The following PLP2 variants were observed in gnomAD, a reference collection of about 807,000 sequenced individuals.
PLP2 encodes the protein proteolipid protein 2.
Under a neutral mutation model 11.4 loss-of-function variants are expected in PLP2, and 8 were observed. That is an observed-to-expected ratio of 0.70 (90% CI 0.41 to 1.27). PLP2 has a LOEUF of 1.27. Ranked by LOEUF, PLP2 falls within the 50% of genes most tolerant of loss-of-function variation. The probability of loss-of-function intolerance (pLI) is 0.01; values close to 1 mark genes in which losing one functional copy is unlikely to be tolerated. For synonymous variants in PLP2, 50 were observed against 53.2 expected, an observed-to-expected ratio of 0.94 and a Z score of 0.26; for missense variants, 127 against 123.5, an observed-to-expected ratio of 1.03 and a Z score of -0.14.
At chrX:49,172,621 G>A (rs1192047315) in intron 1 of PLP2, among the ~76,000 whole-genome samples, 1 of 112,757 alleles carries the variant, frequency 8.9e-6, no homozygotes, top group African/African-American at 3.2e-5. Flanking sequence ...CAAAGTGGGC[G>A]CCGCCTTTGA....
chrX:49,173,722 T>A, intron 3 of PLP2: 1 of 578,477 alleles, frequency 1.7e-6, no homozygotes, highest in Non-Finnish European at 2.7e-6. Flanking sequence ...AGGCGGCCCC[T>A]TTGTCAATGC....
At chrX:49,174,028 C>T (rs1436817108) in intron 3 of PLP2, among the ~76,000 whole-genome samples, 3 of 111,136 alleles carry the variant, frequency 2.7e-5, no homozygotes, top group Admixed American at 1.9e-4. Flanking sequence ...CAAGATCATG[C>T]CACTCACTCC....
chrX:49,175,171 G>A lies in PLP2; in HGVS notation c.*477G>A, dbSNP rs1251038424. On this transcript the variant is annotated 3_prime_UTR_variant, in exon 5 of 5. Transcript: ENST00000376327. ...GGGGGAAATGGAGTGGAAACAGCTG[G>A]GGCAAGGAGGCAAAGAAGCCAGGCC... 2.8e-5 allele frequency: 5 copies of A among 179,811 alleles called. No homozygotes were observed. Among genetic ancestry groups the A allele is most frequent in the South Asian group, 2.5e-4 (2 of 7,887 alleles). The allele number at this position is 179,811 out of a possible 1,213,427, so 14.8% of individuals were successfully genotyped here.
rs782320622 is a variant in PLP2, at chrX:49,173,268, A to G, written c.236A>G (p.Asn79Ser). 7 of 1,211,387 alleles carry G rather than the reference A, an allele frequency of 5.8e-6. No individual in the cohort carries two copies. The highest frequency in any genetic ancestry group is 1.7e-5 in the African/African-American group (1 of 57,793). The change falls in exon 2 of 5, where the codon AAC becomes AGC. Residue 79 changes from asparagine to serine, a missense_variant. Physicochemically the swap from Asn to Ser is conservative, Grantham distance 46 (BLOSUM62 1). Coordinates refer to ENST00000376327, the MANE Select transcript of PLP2 (RefSeq NM_002668.3). ...CTGCACACCAAGATACCATTCATCA[A>G]CTGGCCCTGGAGTGTGAGAAGGGGT... ...CDLHTKIPFI[N>S]WPWSDFFRTL...
At position 49,172,015 on chromosome X, in the gene PLP2, G is replaced by A; in HGVS notation, c.15G>A (p.Glu5=). The change falls in exon 1 of 5, where the codon GAG becomes GAA. Residue 5 remains glutamate, a synonymous_variant. Coordinates refer to ENST00000376327, the MANE Select transcript of PLP2 (RefSeq NM_002668.3). ...CAGCCCATGCCATGGCGGATTCTGA[G>A]CGCCTCTCGGCTCCTGGCTGCTGGG... MADS[E]RLSAPGCWAA... 1 of 1,202,326 alleles carries A rather than the reference G, an allele frequency of 8.3e-7. No homozygotes were observed. Among genetic ancestry groups the A allele is most frequent in the Non-Finnish European group, 1.1e-6 (1 of 887,326 alleles).
At chrX:49,173,340 G>A (rs782803220) in intron 2 of PLP2, 48 bp from the exon 3 acceptor site, 1 of 1,206,084 alleles carries the variant, frequency 8.3e-7, no homozygotes, top group Non-Finnish European at 1.1e-6. Flanking sequence ...AGGATTGTCG[G>A]GGAACTGTGG....
rs782525243 is a variant in PLP2, at chrX:49,173,367, TCTC to T, written c.250-16_250-14del. ...GAACTGTGGTTGCTGACTTCCCTCT[TCTC>T]CTCCCTACACCTCACAGGATTTCTT... On this transcript the variant is annotated intron_variant, in intron 2 of 4. Transcript: ENST00000376327. 5.8e-6 allele frequency: 7 copies of T among 1,206,002 alleles called. No homozygotes were observed. In the African/African-American group the frequency reaches 1.1e-4, roughly 18 times the overall value.
At position 49,174,430 on chromosome X, in the gene PLP2, G is replaced by GTC. The variant is rs1491555945; in HGVS notation, c.436+6_436+7insCT. ...GACATACAGCAGCCCCCACTGGTAA[G>GTC]TGTGTGTGTGTGTTGGTTGGGGGTA... On this transcript the variant is annotated splice_donor_region_variant and intron_variant, in intron 4 of 4. Coordinates refer to ENST00000376327, the MANE Select transcript of PLP2 (RefSeq NM_002668.3). The GTC allele has an allele frequency of 4.7e-5, 49 of 1,048,296 alleles. No homozygotes were observed. Among genetic ancestry groups the GTC allele is most frequent in the Non-Finnish European group, 5.7e-5 (45 of 794,793 alleles). 86.4% of individuals were successfully genotyped at this position (1,048,296 alleles called of 1,213,427 possible). A position where few individuals can be genotyped will look rare whatever the true frequency, so the allele number is the denominator to read the frequency against.
Position 49,172,243 on chromosome X carries a change from C to T in PLP2, c.96+147C>T. 6.2e-6 allele frequency: 3 copies of T among 486,819 alleles called. No individual in the cohort carries two copies. In the South Asian group the frequency reaches 8.5e-5, roughly 14 times the overall value. The allele number at this position is 486,819 out of a possible 1,213,427, so 40.1% of individuals were successfully genotyped here. A position where few individuals can be genotyped will look rare whatever the true frequency, so the allele number is the denominator to read the frequency against. On this transcript the variant is annotated intron_variant, in intron 1 of 4. Transcript: ENST00000376327. ...GTGGGTTCACGGTGGAGGCCCGAAA[C>T]CCGGGGCGCAGGGCGAGTCGGTGGG... is the stretch of plus-strand genomic sequence containing the variant.
chrX:49,174,818 C>T lies in PLP2; in HGVS notation c.*124C>T. 1 of 621,417 alleles carries T rather than the reference C, an allele frequency of 1.6e-6. No individual in the cohort carries two copies. The highest frequency in any genetic ancestry group is 2.7e-6 in the Non-Finnish European group (1 of 374,149). 51.2% of individuals were successfully genotyped at this position (621,417 alleles called of 1,213,427 possible). ...CACCCCCTCTTTGAGGTAAAAGTGC[C>T]TTTATTGGGAGACTTTTGTCTTCCA... On this transcript the variant is annotated 3_prime_UTR_variant, in exon 5 of 5. Transcript: ENST00000376327.
In PLP2 at chrX:49,173,240, G is replaced by A; in HGVS notation, c.208G>A (p.Asp70Asn). Reference sequence around the variant, plus strand: ...TATTTTCTTTGTTGTCTACATGTGTGACCTGCACACCAAGATACCATTCAT... The same window carrying A: ...TATTTTCTTTGTTGTCTACATGTGTAACCTGCACACCAAGATACCATTCAT... ...AAIFFVVYMCDLHTKIPFINW... is the reference protein window; with the variant it reads ...AAIFFVVYMCNLHTKIPFINW... The change falls in exon 2 of 5, where the codon GAC becomes AAC. Residue 70 changes from aspartate to asparagine, a missense_variant. Transcript: ENST00000376327. 8.3e-7 allele frequency: 1 copy of A among 1,211,060 alleles called. No individual in the cohort carries two copies. The highest frequency in any genetic ancestry group is 2.2e-5 in the Admixed American group (1 of 45,981).
intron 1 of PLP2, among the ~76,000 whole-genome samples, 167 bp from the exon 2 acceptor site, chrX:49,172,962 G>C (rs1557099385): frequency 8.9e-6 from 1 of 112,453 alleles, no homozygotes; most frequent in Non-Finnish European, 1.9e-5. Flanking sequence ...TTAGATTGTC[G>C]TGATGATTGA....
rs1557099623 is a variant in PLP2, at chrX:49,174,680, G to A, written c.445G>A (p.Asp149Asn). The part of the protein sequence containing the change: ...RHTAAPTDPA[D>N]GPV ...CTTTTCCTCACCTGCAGACCCCGCA[G>A]ATGGCCCGGTGTAGGCGAACTTCCC... is the stretch of plus-strand genomic sequence containing the variant. Residue 149 changes from aspartate to asparagine, a missense_variant, in exon 5 of 5, where the codon GAT becomes AAT. Physicochemically the swap from Asp to Asn is conservative, Grantham distance 23. Coordinates refer to ENST00000376327, the MANE Select transcript of PLP2 (RefSeq NM_002668.3). 2 of 1,207,113 alleles carry A rather than the reference G, an allele frequency of 1.7e-6. No individual in the cohort carries two copies. The highest frequency in any genetic ancestry group is 2.2e-6 in the Non-Finnish European group (2 of 891,468).
At chrX:49,174,228 C>A in intron 3 of PLP2, 107 bp from the exon 4 acceptor site, 1 of 601,111 alleles carries the variant, frequency 1.7e-6, no homozygotes, top group Non-Finnish European at 2.8e-6. Flanking sequence ...GTGCTTGAGT[C>A]CCATCCTGCG....
Position 49,171,905 on chromosome X carries a change from G to T in PLP2, c.-96G>T. 1 of 645,004 alleles carries T rather than the reference G, an allele frequency of 1.6e-6. No individual in the cohort carries two copies. The highest frequency in any genetic ancestry group is 2.3e-5 in the South Asian group (1 of 42,958). The allele number at this position is 645,004 out of a possible 1,213,427, so 53.2% of individuals were successfully genotyped here. ...CCTTCGCCCCGGGGCCCCCTTCCCG[G>T]CCAGACGGCGGGCAAGACAGCTGGG... On this transcript the variant is annotated 5_prime_UTR_variant, in exon 1 of 5. Transcript: ENST00000376327.
rs150594317 is a variant in PLP2 at position 49,174,696 on chromosome X, C to T, written c.*2C>T. On this transcript the variant is annotated 3_prime_UTR_variant, in exon 5 of 5. Coordinates refer to ENST00000376327, the MANE Select transcript of PLP2 (RefSeq NM_002668.3). ...GACCCCGCAGATGGCCCGGTGTAGG[C>T]GAACTTCCCTCATTTCTCTCTGCAA... is the stretch of plus-strand genomic sequence containing the variant. 6.6e-5 allele frequency: 79 copies of T among 1,197,410 alleles called. No individual in the cohort carries two copies. The highest frequency in any genetic ancestry group is 8.1e-5 in the Non-Finnish European group (72 of 884,143).
In PLP2 at chrX:49,173,274, C is replaced by T; in HGVS notation, c.242C>T (p.Pro81Leu). Residue 81 changes from proline to leucine, a missense_variant, in exon 2 of 5, where the codon CCC becomes CTC. Pro to Leu is a moderately conservative substitution (Grantham distance 98, BLOSUM62 -3). Transcript: ENST00000376327. ...LHTKIPFINW[P>L]WSDFFRTLIA... ...ACCAAGATACCATTCATCAACTGGC[C>T]CTGGAGTGTGAGAAGGGGTCCACAA... 8.3e-7 allele frequency: 1 copy of T among 1,210,919 alleles called. No individual in the cohort carries two copies. The highest frequency in any genetic ancestry group is 1.1e-6 in the Non-Finnish European group (1 of 894,864).
At position 49,175,047 on chromosome X, in the gene PLP2, T is replaced by G. The variant is rs2065407603; in HGVS notation, c.*353T>G. The G allele has an allele frequency of 2.8e-6, 1 of 359,490 alleles. No homozygotes were observed. Among genetic ancestry groups the G allele is most frequent in the Non-Finnish European group, 4.9e-6 (1 of 205,515 alleles). 29.6% of individuals were successfully genotyped at this position (359,490 alleles called of 1,213,427 possible). ...ATAATCTCCTCGGTGTGGGTGGTGG[T>G]TCTATAGAGGGATAAATGAATAATA... is the stretch of plus-strand genomic sequence containing the variant. On this transcript the variant is annotated 3_prime_UTR_variant, in exon 5 of 5. Transcript: ENST00000376327.
At chrX:49,173,899 A>G (rs781949264) in intron 3 of PLP2, among the ~76,000 whole-genome samples, 8 of 111,268 alleles carry the variant, frequency 7.2e-5, no homozygotes, top group Non-Finnish European at 1.5e-4. Context: ...GCGAAACCCC[A>G]TCTCCACTAA....
Sources: allele counts gnomAD v4.1 joint callset (sites outside exome capture counted in the v4.1 genomes callset), GRCh38; gene constraint gnomAD v4.1.1; transcripts MANE v1.5; gene names NCBI Gene and HGNC (gene_info 2026-07-23, HGNC 2026-07-21).